The following AGMO variants were observed in gnomAD, a reference collection of about 807,000 sequenced individuals.
The protein encoded by AGMO is alkylglycerol monooxygenase.
Under a neutral mutation model 60.2 loss-of-function variants are expected in AGMO, and 75 were observed. The ratio of observed to expected loss-of-function variants is 1.25; its 90% confidence interval spans 1.03 to 1.51. The LOEUF (loss-of-function observed/expected upper bound fraction) is 1.51, where lower values mean the gene tolerates loss of function less well. AGMO is among the 40% of genes most tolerant of loss of function. The pLI, the probability that AGMO is intolerant of heterozygous loss-of-function variation, is 0.00. For missense variants in AGMO, 763 were observed against 525.5 expected, an observed-to-expected ratio of 1.45 and a Z score of -4.42; for synonymous variants, 261 against 177.1, an observed-to-expected ratio of 1.47 and a Z score of -3.76.
At chr7:15,531,991 T>C (rs572389545) in intron 3 of AGMO, among the ~76,000 whole-genome samples, 132 of 152,188 alleles carry the variant, frequency 8.7e-4, no homozygotes, top group Middle Eastern at 3.4e-3. Flanking sequence ...AAGCTTTCAG[T>C]ATGCTTCTAA....
intron 5 of AGMO, among the ~76,000 whole-genome samples, chr7:15,405,996 C>T (rs1322897025): frequency 6.6e-6 from 1 of 151,774 alleles, no homozygotes; most frequent in Non-Finnish European, 1.5e-5. Flanking sequence ...TGTCTAAGAG[C>T]TTAAATTCCA....
Position 15,233,668 on chromosome 7 carries a change from C to T in AGMO, c.1264-32309G>A, listed in dbSNP as rs139909419. On this transcript the variant is annotated intron_variant, in intron 12 of 12. Coordinates refer to ENST00000342526, the MANE Select transcript of AGMO (RefSeq NM_001004320.2). ...TCAGGAAACGGATTTAGGAGCAAAG[C>T]GATTAAAGCCCACATAACACACATT... Among the ~76,000 whole-genome samples, 313 of 152,124 alleles carry T rather than the reference C, an allele frequency of 2.1e-3. 1 individual carries two copies. The highest frequency in any genetic ancestry group is 2.5e-3 in the Non-Finnish European group (170 of 68,002).
chr7:15,260,402 C>T (rs1247212993), intron 12 of AGMO, among the ~76,000 whole-genome samples: 4 of 151,716 alleles, frequency 2.6e-5, no homozygotes, highest in Admixed American at 6.6e-5. Flanking sequence ...AAAGCAACAG[C>T]AGTTAAAAAA....
At chr7:15,555,290 TATACACACACACACACAC>T (rs1226507190) in intron 2 of AGMO, among the ~76,000 whole-genome samples, 17 of 103,640 alleles carry the variant, frequency 1.6e-4, no homozygotes, top group Admixed American at 9.3e-4. Context: ...TATATATATA[TATACACACACACACACAC>T]ACACACACAC....
chr7:15,422,575 A>G (rs1780955651), intron 4 of AGMO, among the ~76,000 whole-genome samples: 1 of 152,176 alleles, frequency 6.6e-6, no homozygotes, highest in Non-Finnish European at 1.5e-5. Context: ...AAACCCTCAC[A>G]TTTCTCTTTG....
Position 15,270,596 on chromosome 7 carries a change from A to ATTTTTTTTTTTTTTTTTTT in AGMO, c.1264-69256_1264-69238dup, listed in dbSNP as rs527463907. On this transcript the variant is annotated intron_variant, in intron 12 of 12. Coordinates refer to ENST00000342526, the MANE Select transcript of AGMO (RefSeq NM_001004320.2). ...ATTAAACAAATTTAATCTGTTGATA[A>ATTTTTTTTTTTTTTTTTTT]TTTTTTTTTTTTTTTTTTTTTTTTT... Among the ~76,000 whole-genome samples the ATTTTTTTTTTTTTTTTTTT allele has an allele frequency of 7.1e-4, 34 of 48,062 alleles. 1 individual carries two copies. Among genetic ancestry groups the ATTTTTTTTTTTTTTTTTTT allele is most frequent in the Non-Finnish European group, 7.8e-4 (20 of 25,770 alleles). The allele number at this position is 48,062 out of a possible 152,430, so 31.5% of individuals were successfully genotyped here. A position where few individuals can be genotyped will look rare whatever the true frequency, so the allele number is the denominator to read the frequency against.
chr7:15,165,724 A>C, the AGMO span, among the ~76,000 whole-genome samples: 2 of 152,158 alleles, frequency 1.3e-5, no homozygotes, highest in African/African-American at 4.8e-5. Flanking sequence ...AATCTCTTAA[A>C]ATGGGATATA....
the AGMO span, among the ~76,000 whole-genome samples, chr7:15,172,065 A>C: frequency 6.6e-6 from 1 of 152,162 alleles, no homozygotes; most frequent in African/African-American, 2.4e-5. Flanking sequence ...CCACACAAAG[A>C]CATGCTAGAA....
At chr7:15,163,433 T>C in the AGMO span, among the ~76,000 whole-genome samples, 1 of 152,180 alleles carries the variant, frequency 6.6e-6, no homozygotes, top group Non-Finnish European at 1.5e-5. Context: ...CTCTTCTCCA[T>C]CCAATATGAT....
At chr7:15,141,719 A>T in the AGMO span, among the ~76,000 whole-genome samples, 1 of 152,362 alleles carries the variant, frequency 6.6e-6, no homozygotes, top group African/African-American at 2.4e-5. Flanking sequence ...AGATGTTAAA[A>T]CACCTGATAG....
At chr7:15,545,034 C>G (rs1470218048) in intron 2 of AGMO, 111 bp from the exon 3 acceptor site, 1 of 753,794 alleles carries the variant, frequency 1.3e-6, no homozygotes, top group Admixed American at 3.8e-5. Flanking sequence ...AAAAATGAAA[C>G]TCTTTCTTCT....
intron 3 of AGMO, among the ~76,000 whole-genome samples, chr7:15,470,095 T>C (rs1337982289): frequency 3.3e-5 from 5 of 151,952 alleles, no homozygotes; most frequent in African/African-American, 4.8e-5. Context: ...GAGAGGGTAG[T>C]CAAGATGTAG....
At chr7:15,493,106 C>CTATAAGTGGTGGATACCCCTT (rs1476992947) in intron 3 of AGMO, among the ~76,000 whole-genome samples, 1 of 152,060 alleles carries the variant, frequency 6.6e-6, no homozygotes, top group African/African-American at 2.4e-5. Flanking sequence ...TAGCTTAAGG[C>CTATAAGTGGTGGATACCCCTT]ATTGCCAAAT....
intron 12 of AGMO, among the ~76,000 whole-genome samples, chr7:15,263,884 A>T (rs138592692): frequency 6.6e-6 from 1 of 152,122 alleles, no homozygotes; most frequent in Non-Finnish European, 1.5e-5. Context: ...AGGCATAAAA[A>T]TGATACATTA....
At chr7:15,502,052 A>G (rs947798095) in intron 3 of AGMO, among the ~76,000 whole-genome samples, 7 of 152,068 alleles carry the variant, frequency 4.6e-5, no homozygotes, top group Admixed American at 4.6e-4. Flanking sequence ...CCCGAATCTC[A>G]GATTTTGGAT....
At chr7:15,282,524 A>C (rs1247137412) in intron 12 of AGMO, among the ~76,000 whole-genome samples, 1 of 152,164 alleles carries the variant, frequency 6.6e-6, no homozygotes, top group Non-Finnish European at 1.5e-5. Flanking sequence ...TCAGAAAAAT[A>C]ATAAAGAAAA....
chr7:15,322,981 ATT>A (rs146681446), intron 12 of AGMO, among the ~76,000 whole-genome samples: 4 of 146,376 alleles, frequency 2.7e-5, no homozygotes, highest in Non-Finnish European at 4.5e-5. Flanking sequence ...ATATATATGT[ATT>A]TATTTTTTAT....
intron 12 of AGMO, among the ~76,000 whole-genome samples, chr7:15,230,062 C>T (rs1326616641): frequency 6.6e-6 from 1 of 151,806 alleles, no homozygotes; most frequent in Non-Finnish European, 1.5e-5. Flanking sequence ...AATGTCTACA[C>T]ATAGGCACAT....
the AGMO span, among the ~76,000 whole-genome samples, chr7:15,187,401 T>C: frequency 2.0e-5 from 3 of 152,222 alleles, no homozygotes; most frequent in African/African-American, 7.2e-5. Context: ...ATTTCCTCCA[T>C]TGCCTCTCCA....
Sources: allele counts gnomAD v4.1 joint callset (sites outside exome capture counted in the v4.1 genomes callset), GRCh38; gene constraint gnomAD v4.1.1; transcripts MANE v1.5; gene names NCBI Gene and HGNC (gene_info 2026-07-23, HGNC 2026-07-21).